CADM2: variants seen among roughly 807,000 people sequenced by gnomAD.
The protein encoded by CADM2 is cell adhesion molecule 2.
CADM2 carries 12 observed loss-of-function variants against 49.8 expected under a neutral mutation model. The ratio of observed to expected loss-of-function variants is 0.24; its 90% CI spans 0.15 to 0.39. The LOEUF (loss-of-function observed/expected upper bound fraction) is 0.39, where lower values mean the gene tolerates loss of function less well. CADM2 is among the 10% of genes least tolerant of loss of function. CADM2 has a pLI of 1.00. For synonymous variants in CADM2, 214 were observed against 175.4 expected (o/e 1.22, Z -1.74); for missense variants, 378 against 492.3 (o/e 0.77, Z 2.20).
intron 8 of CADM2, among the ~76,000 whole-genome samples, chr3:86,004,314 G>T (rs1730524075): frequency 6.6e-6 from 1 of 152,182 alleles, no homozygotes; most frequent in Non-Finnish European, 1.5e-5. Flanking sequence ...GGCATCATTG[G>T]AAGGGATTTG....
At chr3:85,683,682 A>G (rs1553662734) in intron 1 of CADM2, among the ~76,000 whole-genome samples, 1 of 152,214 alleles carries the variant, frequency 6.6e-6, no homozygotes, top group Non-Finnish European at 1.5e-5. Flanking sequence ...ACCCAGGATT[A>G]TAATGAACCT....
At chr3:85,487,316 C>G (rs1004743083) in intron 1 of CADM2, among the ~76,000 whole-genome samples, 2 of 151,992 alleles carry the variant, frequency 1.3e-5, no homozygotes, top group Admixed American at 6.6e-5. Flanking sequence ...GAGTTCAAAA[C>G]GATACTGGGC....
intron 3 of CADM2, among the ~76,000 whole-genome samples, chr3:85,855,206 G>A (rs910299985): frequency 2.0e-5 from 3 of 152,028 alleles, no homozygotes; most frequent in Non-Finnish European, 4.4e-5. Context: ...CCGGCAATGA[G>A]CAAGAAACAC....
At chr3:85,428,390 A>G (rs1179460771) in intron 1 of CADM2, among the ~76,000 whole-genome samples, 1 of 144,890 alleles carries the variant, frequency 6.9e-6, no homozygotes, top group African/African-American at 2.5e-5. Context: ...TATTTATTTT[A>G]TATAATACAT....
chr3:85,138,878 A>G lies in CADM2; in HGVS notation c.61+179210A>G, dbSNP rs556633863. Among the ~76,000 whole-genome samples the G allele has an allele frequency of 2.0e-5, 3 of 152,308 alleles. No individual in the cohort carries two copies. In the East Asian group the frequency reaches 5.8e-4, roughly 29 times the overall value. ...AAGTATGAGAAAACAAGGATGAAGT[A>G]TAGTATTTTATGATTCTAAAGGCCA... On this transcript the variant is annotated intron_variant, in intron 1 of 9. Transcript: ENST00000383699.
intron 1 of CADM2, among the ~76,000 whole-genome samples, chr3:85,378,549 C>A (rs1263931892): frequency 6.6e-6 from 1 of 152,020 alleles, no homozygotes; most frequent in Non-Finnish European, 1.5e-5. Flanking sequence ...TTGTTCATTG[C>A]TGAATCTTCA....
At chr3:85,667,913 C>A (rs1442756602) in intron 1 of CADM2, among the ~76,000 whole-genome samples, 2 of 152,032 alleles carry the variant, frequency 1.3e-5, no homozygotes, top group South Asian at 2.1e-4. Flanking sequence ...ATAAGCCCAG[C>A]ACCTTGGTAA....
intron 1 of CADM2, among the ~76,000 whole-genome samples, chr3:85,563,617 T>A (rs4856593): frequency 6.6e-6 from 1 of 151,568 alleles, no homozygotes; most frequent in Non-Finnish European, 1.5e-5. Context: ...TCAATAATGG[T>A]AGTTATCATT....
intron 5 of CADM2, among the ~76,000 whole-genome samples, chr3:85,897,328 G>A (rs1715369083): frequency 7.7e-6 from 1 of 130,284 alleles, no homozygotes; most frequent in African/African-American, 2.9e-5. Flanking sequence ...GGACTGCAGT[G>A]GCGCAATCTC....
intron 8 of CADM2, among the ~76,000 whole-genome samples, chr3:85,965,125 G>A (rs751153703): frequency 2.0e-5 from 3 of 151,304 alleles, no homozygotes; most frequent in Non-Finnish European, 4.4e-5. Flanking sequence ...TAAGCATTTA[G>A]ATAATTGTGA....
At position 85,802,085 on chromosome 3, in the gene CADM2, G is replaced by C. The variant is rs750915514; in HGVS notation, c.127G>C (p.Val43Leu). ...GQFPLTQNVT[V>L]VEGGTAILTC... The stretch of plus-strand genomic sequence containing the variant: ...GTTTCCACTAACACAGAATGTAACC[G>C]TTGTTGAAGGTGGAACTGCAATTTT... Residue 43 changes from valine (V) to leucine (L), a missense_variant, in exon 3 of 10, where the codon GTT (valine) becomes CTT (leucine). Physicochemically the swap from Val to Leu is conservative, Grantham distance 32 (BLOSUM62 1). Transcript: ENST00000383699. The C allele has an allele frequency of 1.2e-6, 2 of 1,612,410 alleles. No individual in the cohort carries two copies. Among genetic ancestry groups the C allele is most frequent in the Non-Finnish European group, 1.7e-6 (2 of 1,179,120 alleles).
At chr3:86,056,556 AAG>A (rs1251915981) in intron 8 of CADM2, among the ~76,000 whole-genome samples, 1 of 152,206 alleles carries the variant, frequency 6.6e-6, no homozygotes, top group Non-Finnish European at 1.5e-5. Context: ...ATAATGAAGA[AAG>A]GATGAGCAGA....
At chr3:85,993,829 C>T (rs1381620277) in intron 8 of CADM2, 3 of 151,686 alleles carry the variant, frequency 2.0e-5, no homozygotes, top group South Asian at 2.1e-4. Flanking sequence ...TCAGTCTCAA[C>T]ATTGAGCTTA....
intron 1 of CADM2, among the ~76,000 whole-genome samples, chr3:85,587,345 T>C (rs907470702): frequency 3.9e-5 from 6 of 152,054 alleles, no homozygotes; most frequent in Non-Finnish European, 5.9e-5. Flanking sequence ...GTTCCAGTAA[T>C]AGTAGGGTAT....
intron 3 of CADM2, among the ~76,000 whole-genome samples, chr3:85,810,602 C>A (rs1167050674): frequency 7.7e-6 from 1 of 129,238 alleles, no homozygotes; most frequent in Non-Finnish European, 1.5e-5. Context: ...TGCAGTGGTG[C>A]TGTGTTGGCT....
At chr3:85,586,464 A>AT (rs2062949335) in intron 1 of CADM2, among the ~76,000 whole-genome samples, 1 of 152,122 alleles carries the variant, frequency 6.6e-6, no homozygotes. Flanking sequence ...TAAAATGATA[A>AT]TTACAAGTGC....
intron 1 of CADM2, among the ~76,000 whole-genome samples, chr3:85,108,872 G>A (rs924078129): frequency 2.0e-5 from 3 of 151,960 alleles, no homozygotes; most frequent in Admixed American, 1.3e-4. Context: ...AAATCAAGTC[G>A]GGATCAAGAA....
At chr3:85,391,221 T>C (rs2034502171) in intron 1 of CADM2, among the ~76,000 whole-genome samples, 1 of 151,940 alleles carries the variant, frequency 6.6e-6, no homozygotes, top group African/African-American at 2.4e-5. Flanking sequence ...TCTTAATGCA[T>C]TGATAAAGAG....
intron 1 of CADM2, among the ~76,000 whole-genome samples, chr3:85,405,984 A>T (rs1207357351): frequency 1.3e-5 from 2 of 151,992 alleles, no homozygotes; most frequent in African/African-American, 4.8e-5. Flanking sequence ...GTGCATATAT[A>T]TGGAACACTG....
Sources: allele counts gnomAD v4.1 joint callset (sites outside exome capture counted in the v4.1 genomes callset), GRCh38; gene constraint gnomAD v4.1.1; transcripts MANE v1.5; gene names NCBI Gene and HGNC (gene_info 2026-07-23, HGNC 2026-07-21).